Variants in CTNNA2 observed in about 807,000 individuals in gnomAD.
The protein encoded by CTNNA2 is catenin alpha 2, also known as catenin alpha-2.
In CTNNA2, 42 loss-of-function variants were observed where a neutral mutation model predicts 101.0. The observed-to-expected ratio is 0.42, with a 90% CI of 0.32 to 0.54. The LOEUF is 0.54. CTNNA2 is among the 20% of genes least tolerant of loss of function. The pLI, the probability that CTNNA2 is intolerant of heterozygous loss-of-function variation, is 0.14. For synonymous variants in CTNNA2, 450 were observed against 456.4 expected, an observed-to-expected ratio of 0.99 and a Z score of 0.18; for missense variants, 871 against 1,223.1, an observed-to-expected ratio of 0.71 and a Z score of 4.29.
chr2:79,305,933 C>A (rs1323972733), intron 2 of CTNNA2, among the ~76,000 whole-genome samples: 1 of 150,508 alleles, frequency 6.6e-6, no homozygotes, highest in African/African-American at 2.5e-5. Flanking sequence ...GTAGTCCCAG[C>A]TACTTGGGAG....
At chr2:79,959,098 C>T (rs1689450307) in intron 7 of CTNNA2, among the ~76,000 whole-genome samples, 2 of 151,898 alleles carry the variant, frequency 1.3e-5, no homozygotes, top group Non-Finnish European at 2.9e-5. Flanking sequence ...AGTCTGTACC[C>T]AGGCTGTAGT....
At chr2:79,789,823 A>G (rs560019599) in intron 3 of CTNNA2, among the ~76,000 whole-genome samples, 1 of 152,198 alleles carries the variant, frequency 6.6e-6, no homozygotes, top group South Asian at 2.1e-4. Context: ...AAGATGGCAT[A>G]TTAATATTTG....
chr2:80,487,307 A>C (rs1686673675), intron 9 of CTNNA2, among the ~76,000 whole-genome samples: 1 of 151,504 alleles, frequency 6.6e-6, no homozygotes, highest in South Asian at 2.1e-4. Flanking sequence ...AAAGTGCACA[A>C]TTTTAATCAA....
intron 17 of CTNNA2, among the ~76,000 whole-genome samples, chr2:80,617,927 G>T (rs1312576940): frequency 6.6e-6 from 1 of 151,586 alleles, no homozygotes; most frequent in African/African-American, 2.4e-5. Flanking sequence ...GAATGTCTAG[G>T]TTTCCTAAAT....
chr2:79,477,168 C>CTTTTTTTTTTTTTTTTTTTTTTTTTTCT (rs5832392), intron 4 of CTNNA2, among the ~76,000 whole-genome samples: 1 of 123,148 alleles, frequency 8.1e-6, no homozygotes, highest in Non-Finnish European at 1.6e-5. Context: ...TCTTTTTTTT[C>CTTTTTTTTTTTTTTTTTTTTTTTTTTCT]TTTTTTTTTT....
At chr2:79,432,619 C>T (rs1376487808) in intron 4 of CTNNA2, among the ~76,000 whole-genome samples, 1 of 152,154 alleles carries the variant, frequency 6.6e-6, no homozygotes, top group East Asian at 1.9e-4. Flanking sequence ...TGAGATACCA[C>T]AAGGGTAAAA....
At chr2:80,245,822 T>TTTTTTTTTTTTTTTTTG (rs1558937542) in intron 7 of CTNNA2, among the ~76,000 whole-genome samples, 1 of 135,468 alleles carries the variant, frequency 7.4e-6, no homozygotes, top group African/African-American at 2.9e-5. Flanking sequence ...TTTTTTTTTT[T>TTTTTTTTTTTTTTTTTG]TGCACTCTGT....
chr2:79,575,479 C>T (rs2103856146), intron 1 of CTNNA2: 1 of 152,230 alleles, frequency 6.6e-6, no homozygotes, highest in Non-Finnish European at 1.5e-5. Context: ...TACTTTTGAT[C>T]TCGTTGCTAT....
At chr2:80,146,732 T>G (rs924510206) in intron 7 of CTNNA2, among the ~76,000 whole-genome samples, 2 of 121,818 alleles carry the variant, frequency 1.6e-5, no homozygotes, top group Non-Finnish European at 3.5e-5. Flanking sequence ...TTTTTTTTTT[T>G]TTTTTTTTTT....
intron 7 of CTNNA2, among the ~76,000 whole-genome samples, chr2:80,314,643 A>G (rs1359404856): frequency 1.3e-5 from 2 of 152,194 alleles, no homozygotes; most frequent in African/African-American, 2.4e-5. Context: ...ATGCCTGACC[A>G]TGAGTGAAGC....
At chr2:79,493,323 A>G (rs116596034) in intron 4 of CTNNA2, among the ~76,000 whole-genome samples, 3,843 of 152,292 alleles carry the variant, frequency 0.025, 64 homozygotes, top group Non-Finnish European at 0.039. Context: ...TACTAGTGAC[A>G]TAATCTGGTA....
chr2:79,630,711 AT>A (rs1443600034), intron 1 of CTNNA2, among the ~76,000 whole-genome samples: 1 of 152,162 alleles, frequency 6.6e-6, no homozygotes, highest in African/African-American at 2.4e-5. Context: ...ACGTGGTGTC[AT>A]TTATGTATCT....
intron 3 of CTNNA2, among the ~76,000 whole-genome samples, chr2:79,848,295 C>T (rs1030950563): frequency 9.2e-5 from 14 of 152,020 alleles, no homozygotes; most frequent in African/African-American, 3.4e-4. Flanking sequence ...AAATATTGAA[C>T]AAAATTGAGT....
intron 2 of CTNNA2, among the ~76,000 whole-genome samples, chr2:79,245,644 GA>G (rs1443347073): frequency 1.3e-5 from 2 of 152,146 alleles, no homozygotes; most frequent in East Asian, 1.9e-4. Flanking sequence ...TTCATCTCTG[GA>G]AATAAAATTG....
intron 17 of CTNNA2, among the ~76,000 whole-genome samples, chr2:80,618,484 C>T (rs1699032582): frequency 6.6e-6 from 1 of 151,856 alleles, no homozygotes; most frequent in Non-Finnish European, 1.5e-5. Flanking sequence ...AATTATGCCC[C>T]TCACACAATC....
intron 7 of CTNNA2, among the ~76,000 whole-genome samples, chr2:80,131,615 G>C (rs1006425493): frequency 6.6e-6 from 1 of 152,140 alleles, no homozygotes; most frequent in African/African-American, 2.4e-5. Flanking sequence ...AAATCAGGTA[G>C]GGGGTAGAAT....
At chr2:80,133,416 A>AACAG (rs1702518625) in intron 7 of CTNNA2, among the ~76,000 whole-genome samples, 1 of 152,218 alleles carries the variant, frequency 6.6e-6, no homozygotes, top group Admixed American at 6.5e-5. Context: ...CAAACAAACA[A>AACAG]ACAAAAAACA....
intron 4 of CTNNA2, among the ~76,000 whole-genome samples, chr2:79,502,612 G>T (rs570009226): frequency 2.0e-4 from 31 of 152,074 alleles, no homozygotes; most frequent in Non-Finnish European, 4.1e-4. Context: ...GCTGAGTGCT[G>T]GGGTAATAGT....
chr2:79,389,843 T>TA (rs1678152773), intron 4 of CTNNA2, among the ~76,000 whole-genome samples: 1 of 152,218 alleles, frequency 6.6e-6, no homozygotes. Flanking sequence ...ATCTGCGGGA[T>TA]AATAATCAAT....
Sources: allele counts gnomAD v4.1 joint callset (sites outside exome capture counted in the v4.1 genomes callset), GRCh38; gene constraint gnomAD v4.1.1; transcripts MANE v1.5; gene names NCBI Gene and HGNC (gene_info 2026-07-23, HGNC 2026-07-21).